CSMD1: variants seen among roughly 807,000 people sequenced by gnomAD.
CSMD1 encodes CUB and sushi domain-containing protein 1.
CSMD1 carries 213 observed loss-of-function variants against 417.5 expected under a neutral mutation model. That is an observed-to-expected ratio of 0.51 (90% CI 0.46 to 0.57). CSMD1 has a LOEUF of 0.57. Ranked by LOEUF, CSMD1 falls within the 20% of genes least tolerant of loss-of-function variation. The pLI is 0.00. For missense variants in CSMD1, 6,923 were observed against 4,529.7 expected, an observed-to-expected ratio of 1.53 and a Z score of -15.17; for synonymous variants, 2,862 against 1,736.8, an observed-to-expected ratio of 1.65 and a Z score of -16.11.
At chr8:3,781,684 G>A (rs112971925) in intron 5 of CSMD1, among the ~76,000 whole-genome samples, 1 of 152,280 alleles carries the variant, frequency 6.6e-6, no homozygotes, top group African/African-American at 2.4e-5. Context: ...TTCCATCCTG[G>A]ACTCCAGCCT....
chr8:3,525,396 G>A (rs962982437), intron 10 of CSMD1, among the ~76,000 whole-genome samples: 1 of 152,120 alleles, frequency 6.6e-6, no homozygotes, highest in Non-Finnish European at 1.5e-5. Flanking sequence ...TAATTTCAAG[G>A]TAATCATAGT....
chr8:3,974,495 A>G (rs1813293063), intron 5 of CSMD1, among the ~76,000 whole-genome samples: 2 of 152,058 alleles, frequency 1.3e-5, no homozygotes, highest in African/African-American at 4.8e-5. Flanking sequence ...GAAAAAAAGT[A>G]TTTATTTTTA....
At chr8:3,432,955 G>C (rs77840230) in intron 12 of CSMD1, among the ~76,000 whole-genome samples, 4 of 152,138 alleles carry the variant, frequency 2.6e-5, no homozygotes, top group African/African-American at 9.7e-5. Context: ...CAATAAATGG[G>C]GGGGTTACAG....
intron 2 of CSMD1, among the ~76,000 whole-genome samples, chr8:4,434,725 CA>C (rs1320269040): frequency 6.6e-6 from 1 of 152,152 alleles, no homozygotes; most frequent in African/African-American, 2.4e-5. Flanking sequence ...TGACAGTGCT[CA>C]TCCGGTGATT....
chr8:3,437,749 C>A (rs1362611500), intron 12 of CSMD1, among the ~76,000 whole-genome samples: 1 of 67,244 alleles, frequency 1.5e-5, no homozygotes, highest in South Asian at 5.2e-4. Flanking sequence ...TAATTGATAT[C>A]TTTTCTTTTT....
At chr8:3,668,941 G>A (rs575695921) in intron 7 of CSMD1, among the ~76,000 whole-genome samples, 4 of 152,166 alleles carry the variant, frequency 2.6e-5, no homozygotes, top group African/African-American at 9.7e-5. Context: ...AGGCGTGACA[G>A]AAACAGGAAA....
chr8:4,685,763 G>A (rs577813118), intron 1 of CSMD1, among the ~76,000 whole-genome samples: 45 of 152,184 alleles, frequency 3.0e-4, no homozygotes, highest in African/African-American at 9.6e-4. Flanking sequence ...ATCTGTTGGT[G>A]AGAAAAAAAT....
chr8:3,491,603 C>A (rs180714656), intron 11 of CSMD1, among the ~76,000 whole-genome samples: 4 of 152,214 alleles, frequency 2.6e-5, no homozygotes, highest in African/African-American at 9.6e-5. Flanking sequence ...CAAGATTCGA[C>A]GAATGAAGGA....
intron 6 of CSMD1, among the ~76,000 whole-genome samples, chr8:3,744,867 A>G (rs1190085043): frequency 6.6e-6 from 1 of 152,206 alleles, no homozygotes; most frequent in Non-Finnish European, 1.5e-5. Flanking sequence ...CATCACAGAT[A>G]GAGTAAGGGA....
intron 3 of CSMD1, among the ~76,000 whole-genome samples, chr8:4,072,727 G>C (rs1363181669): frequency 2.0e-5 from 3 of 152,156 alleles, no homozygotes; most frequent in Admixed American, 2.0e-4. Flanking sequence ...AATGAACAAA[G>C]TGTTTACAAC....
Position 3,791,479 on chromosome 8 carries a change from T to C in CSMD1, c.819-37437A>G, listed in dbSNP as rs555053236. 6.6e-5 allele frequency among the ~76,000 whole-genome samples: 10 copies of C among 152,324 alleles called. No homozygotes were observed. In the South Asian group the frequency reaches 1.7e-3, roughly 25 times the overall value. ...ACGTAGCTTGTAATACGTTCTTTAG[T>C]TGAATAATTTGAAAAGTCATCTCTA... On this transcript the variant is annotated intron_variant, in intron 5 of 69. Transcript: ENST00000635120.
chr8:4,275,969 C>A (rs886906762), intron 3 of CSMD1, among the ~76,000 whole-genome samples: 1 of 152,174 alleles, frequency 6.6e-6, no homozygotes, highest in African/African-American at 2.4e-5. Flanking sequence ...AGTCAGGAAA[C>A]AGCAGATGCT....
chr8:4,059,535 TAG>T (rs1798864128), intron 3 of CSMD1, among the ~76,000 whole-genome samples: 1 of 151,984 alleles, frequency 6.6e-6, no homozygotes, highest in African/African-American at 2.4e-5. Flanking sequence ...ACAAAATTGA[TAG>T]ACTGCTAGCA....
At chr8:4,254,179 A>T (rs929622515) in intron 3 of CSMD1, among the ~76,000 whole-genome samples, 15 of 151,978 alleles carry the variant, frequency 9.9e-5, no homozygotes, top group Non-Finnish European at 2.9e-5. Flanking sequence ...GGCCTCCCAA[A>T]GTGATGGGAC....
At chr8:4,476,583 TC>T (rs1168049794) in intron 2 of CSMD1, among the ~76,000 whole-genome samples, 1 of 152,192 alleles carries the variant, frequency 6.6e-6, no homozygotes, top group Non-Finnish European at 1.5e-5. Context: ...CAAATAGGTC[TC>T]CACAACACTT....
chr8:3,360,631 G>C (rs934938473), intron 20 of CSMD1, among the ~76,000 whole-genome samples: 1 of 152,204 alleles, frequency 6.6e-6, no homozygotes, highest in African/African-American at 2.4e-5. Flanking sequence ...TAAAAGATGT[G>C]CATTATTGCA....
At chr8:3,025,494 G>A (rs150804888) in intron 51 of CSMD1, among the ~76,000 whole-genome samples, 2,338 of 152,300 alleles carry the variant, frequency 0.015, 20 homozygotes, top group East Asian at 0.037. Flanking sequence ...CTGAAACTGT[G>A]TATTGTGTGG....
At chr8:4,147,641 G>A (rs191864722) in intron 3 of CSMD1, among the ~76,000 whole-genome samples, 206 of 152,238 alleles carry the variant, frequency 1.4e-3, no homozygotes, top group Middle Eastern at 0.01. Flanking sequence ...AGTGCATGAA[G>A]GTTACTCTGA....
intron 3 of CSMD1, among the ~76,000 whole-genome samples, chr8:4,124,530 C>A (rs1296528257): frequency 6.6e-6 from 1 of 152,082 alleles, no homozygotes; most frequent in Non-Finnish European, 1.5e-5. Flanking sequence ...GTATCAAAGC[C>A]CTGAGAACTT....
Sources: gnomAD v4.1 joint callset for allele counts (sites outside exome capture counted in the v4.1 genomes callset) on GRCh38, gnomAD v4.1.1 for gene constraint, MANE v1.5 for transcripts, NCBI Gene and HGNC (gene_info 2026-07-23, HGNC 2026-07-21) for gene names.